CNTNAP2: variants seen among roughly 807,000 people sequenced by gnomAD.
The protein encoded by CNTNAP2 is contactin associated protein 2, also known as contactin-associated protein-like 2.
CNTNAP2 carries 98 observed loss-of-function variants against 155.2 expected under a neutral mutation model. That is an observed-to-expected ratio of 0.63 (90% CI 0.54 to 0.75). CNTNAP2 has a LOEUF of 0.75. CNTNAP2 is among the 30% of genes least tolerant of loss of function. The pLI is 0.00. For missense variants in CNTNAP2, 1,727 were observed against 1,688.1 expected, an observed-to-expected ratio of 1.02 and a Z score of -0.40; for synonymous variants, 651 against 631.2, an observed-to-expected ratio of 1.03 and a Z score of -0.47.
chr7:148,405,114 G>A (rs1799668529), intron 22 of CNTNAP2, among the ~76,000 whole-genome samples: 2 of 151,988 alleles, frequency 1.3e-5, no homozygotes, highest in Admixed American at 6.6e-5. Context: ...CCCTTGCCAG[G>A]GACTCCACCC....
intron 9 of CNTNAP2, among the ~76,000 whole-genome samples, chr7:147,367,252 A>G (rs1310090016): frequency 6.6e-6 from 1 of 152,170 alleles, no homozygotes; most frequent in Admixed American, 6.5e-5. Flanking sequence ...AAATAGGGCC[A>G]CATCCTATTG....
At chr7:147,076,868 G>A (rs1584822168) in intron 4 of CNTNAP2, among the ~76,000 whole-genome samples, 1 of 152,262 alleles carries the variant, frequency 6.6e-6, no homozygotes, top group East Asian at 1.9e-4. Context: ...GCATTGTGAA[G>A]GTCAAACTAG....
intron 3 of CNTNAP2, among the ~76,000 whole-genome samples, chr7:146,843,891 G>C (rs1465610999): frequency 6.6e-6 from 1 of 152,000 alleles, no homozygotes; most frequent in Non-Finnish European, 1.5e-5. Flanking sequence ...CACCTTACAA[G>C]ATGTAAAAAT....
At chr7:146,158,140 C>T (rs1051141122) in intron 1 of CNTNAP2, among the ~76,000 whole-genome samples, 1 of 152,174 alleles carries the variant, frequency 6.6e-6, no homozygotes, top group African/African-American at 2.4e-5. Flanking sequence ...GAGTGGACCT[C>T]CAGCAAACTC....
chr7:146,206,855 C>T (rs1396285477), intron 1 of CNTNAP2, among the ~76,000 whole-genome samples: 2 of 151,898 alleles, frequency 1.3e-5, no homozygotes, highest in South Asian at 2.1e-4. Flanking sequence ...TAAATGTTTA[C>T]ATTTCTCTCA....
chr7:148,362,356 C>T (rs1798640974), intron 21 of CNTNAP2, among the ~76,000 whole-genome samples: 1 of 152,112 alleles, frequency 6.6e-6, no homozygotes, highest in Non-Finnish European at 1.5e-5. Context: ...TGGGTGGGGA[C>T]ACAGAGCCAA....
At chr7:148,133,200 C>T (rs2116631147) in intron 16 of CNTNAP2, among the ~76,000 whole-genome samples, 1 of 152,150 alleles carries the variant, frequency 6.6e-6, no homozygotes, top group Middle Eastern at 3.4e-3. Context: ...CGGTGGCTCA[C>T]GCCTGTAGTC....
intron 1 of CNTNAP2, among the ~76,000 whole-genome samples, chr7:146,258,471 C>T (rs1799872979): frequency 6.6e-6 from 1 of 152,114 alleles, no homozygotes; most frequent in Non-Finnish European, 1.5e-5. Context: ...AATATTTATG[C>T]ATACCATATG....
At chr7:147,662,836 C>T (rs1795634327) in intron 13 of CNTNAP2, among the ~76,000 whole-genome samples, 2 of 152,168 alleles carry the variant, frequency 1.3e-5, no homozygotes, top group South Asian at 4.1e-4. Flanking sequence ...TTAATACAAC[C>T]AACGAAAGCC....
chr7:146,433,736 G>A (rs964748104), intron 1 of CNTNAP2, among the ~76,000 whole-genome samples: 1 of 152,142 alleles, frequency 6.6e-6, no homozygotes, highest in South Asian at 2.1e-4. Flanking sequence ...AGACAACTGT[G>A]AAAACATGGA....
intron 4 of CNTNAP2, among the ~76,000 whole-genome samples, chr7:147,058,263 T>C (rs566713046): frequency 1.3e-5 from 2 of 152,320 alleles, no homozygotes; most frequent in East Asian, 3.9e-4. Flanking sequence ...GGATTATTTA[T>C]ATAGCTGTTT....
At chr7:147,112,432 C>A (rs1282144671) in intron 5 of CNTNAP2, among the ~76,000 whole-genome samples, 1 of 152,174 alleles carries the variant, frequency 6.6e-6, no homozygotes, top group Admixed American at 6.5e-5. Context: ...TGAGAGAAGG[C>A]ATCCTTGTCT....
Position 146,649,798 on chromosome 7 carries a change from A to G in CNTNAP2, c.98-124473A>G, listed in dbSNP as rs532045156. 3.3e-5 allele frequency among the ~76,000 whole-genome samples: 5 copies of G among 152,212 alleles called. No individual in the cohort carries two copies. The South Asian group carries it at 6.2e-4, about 19-fold the overall frequency. ...TTTTTCTCTTCCTATTTCTTGGGATATTCCTATTTATTTCCCAAACCATAG... is the reference window on the plus strand; with the variant it reads ...TTTTTCTCTTCCTATTTCTTGGGATGTTCCTATTTATTTCCCAAACCATAG... On this transcript the variant is annotated intron_variant, in intron 1 of 23. Transcript: ENST00000361727.
At chr7:147,299,210 AG>A (rs58651878) in intron 8 of CNTNAP2, among the ~76,000 whole-genome samples, 24,105 of 152,080 alleles carry the variant, frequency 0.16, 3,222 homozygotes, top group East Asian at 0.74. Flanking sequence ...TCTGCTACCC[AG>A]TGTTAAACTT....
At chr7:147,077,218 T>G (rs962693723) in intron 4 of CNTNAP2, among the ~76,000 whole-genome samples, 37 of 152,160 alleles carry the variant, frequency 2.4e-4, no homozygotes, top group African/African-American at 8.7e-4. Context: ...TAAAACAAAT[T>G]TATTATTTAA....
chr7:146,299,480 C>T (rs552651113), intron 1 of CNTNAP2, among the ~76,000 whole-genome samples: 1 of 152,212 alleles, frequency 6.6e-6, no homozygotes, highest in African/African-American at 2.4e-5. Flanking sequence ...AACCCCTGGG[C>T]TCAAGTAATC....
intron 1 of CNTNAP2, among the ~76,000 whole-genome samples, chr7:146,417,172 T>C (rs2129112516): frequency 6.6e-6 from 1 of 152,300 alleles, no homozygotes; most frequent in East Asian, 1.9e-4. Context: ...TCCTTTATTC[T>C]AGTAAAACTG....
At chr7:147,818,903 C>A (rs1206785684) in intron 13 of CNTNAP2, among the ~76,000 whole-genome samples, 1 of 152,142 alleles carries the variant, frequency 6.6e-6, no homozygotes, top group Non-Finnish European at 1.5e-5. Context: ...GAGAAGGTAG[C>A]TTGATAGTAA....
chr7:147,732,920 G>T (rs1302227887), intron 13 of CNTNAP2, among the ~76,000 whole-genome samples: 1 of 152,164 alleles, frequency 6.6e-6, no homozygotes, highest in Non-Finnish European at 1.5e-5. Context: ...GTTCTTTGTA[G>T]ATTCTGGATA....
Sources: gnomAD v4.1 joint callset for allele counts (sites outside exome capture counted in the v4.1 genomes callset) on GRCh38, gnomAD v4.1.1 for gene constraint, MANE v1.5 for transcripts, NCBI Gene and HGNC (gene_info 2026-07-23, HGNC 2026-07-21) for gene names.